Variants in UNC5B observed in about 807,000 individuals in gnomAD.
UNC5B encodes the protein netrin receptor UNC5B.
In UNC5B, 56 loss-of-function variants were observed where a neutral mutation model predicts 103.7. That is an observed-to-expected ratio of 0.54 (90% confidence interval 0.44 to 0.67). UNC5B has a LOEUF of 0.67. UNC5B is among the 30% of genes least tolerant of loss of function. The pLI is 0.00. For missense variants in UNC5B, 1,194 were observed against 1,284.5 expected, an observed-to-expected ratio of 0.93 and a Z score of 1.08; for synonymous variants, 577 against 542.0, an observed-to-expected ratio of 1.06 and a Z score of -0.90.
intron 13 of UNC5B, 29 bp downstream of exon 13, chr10:71,293,962 C>T (rs1329401702): frequency 6.5e-7 from 1 of 1,541,176 alleles, no homozygotes. Flanking sequence ...GCCCACACAG[C>T]CCTGGCCGGC....
intron 1 of UNC5B, among the ~76,000 whole-genome samples, chr10:71,256,025 A>G (rs1844282938): frequency 6.6e-6 from 1 of 152,184 alleles, no homozygotes; most frequent in African/African-American, 2.4e-5. Context: ...GCATGTTCTC[A>G]GTGATCCTTC....
intron 1 of UNC5B, among the ~76,000 whole-genome samples, chr10:71,255,024 A>G (rs1213581148): frequency 6.6e-6 from 1 of 152,184 alleles, no homozygotes; most frequent in East Asian, 1.9e-4. Context: ...GGTTTGTTTT[A>G]TGATGTCATC....
intron 1 of UNC5B, among the ~76,000 whole-genome samples, chr10:71,252,801 G>C (rs148103109): frequency 0.013 from 1,981 of 152,294 alleles, 48 homozygotes; most frequent in African/African-American, 0.044. Context: ...GTCCATTCCA[G>C]AGAGCGGGCA....
chr10:71,245,945 C>T (rs1413089276), intron 1 of UNC5B, among the ~76,000 whole-genome samples: 1 of 152,202 alleles, frequency 6.6e-6, no homozygotes. Context: ...ACCGCCAGCA[C>T]CCTCCTCATT....
intron 3 of UNC5B, 139 bp downstream of exon 3, chr10:71,285,002 A>G (rs1589193506): frequency 3.9e-6 from 5 of 1,281,892 alleles, no homozygotes; most frequent in Non-Finnish European, 4.2e-6. Flanking sequence ...ATCCCAGCAC[A>G]TGGATGCCAG....
At chr10:71,297,032 G>A (rs41306556) in intron 15 of UNC5B, among the ~76,000 whole-genome samples, 1 of 132,464 alleles carries the variant, frequency 7.5e-6, no homozygotes, top group Non-Finnish European at 1.6e-5. Flanking sequence ...GCACAGCACT[G>A]TGGCATAGGT....
chr10:71,243,163 A>C (rs1208455182), intron 1 of UNC5B, among the ~76,000 whole-genome samples: 1 of 152,118 alleles, frequency 6.6e-6, no homozygotes, highest in East Asian at 1.9e-4. Flanking sequence ...TGAACCCAGG[A>C]GGCGGAGGTT....
In UNC5B at chr10:71,279,957, C is replaced by T; in HGVS notation, c.216C>T (p.Phe72=). The T allele has an allele frequency of 6.2e-7, 1 of 1,614,168 alleles. No homozygotes were observed. The highest frequency in any genetic ancestry group is 1.1e-5 in the South Asian group (1 of 91,092). The change falls in exon 2 of 17, where the codon TTC becomes TTT. Residue 72 remains phenylalanine (F), a synonymous_variant. Transcript: ENST00000335350. ...NKPVELRCRA[F]PATQIYFKCN... Reference sequence around the variant, plus strand: ...CTGTGGAGCTCCGCTGCCGCGCCTTCCCCGCCACACAGATCTACTTCAAGT... The same window carrying T: ...CTGTGGAGCTCCGCTGCCGCGCCTTTCCCGCCACACAGATCTACTTCAAGT...
intron 3 of UNC5B, 138 bp downstream of exon 3, chr10:71,285,001 C>A: frequency 7.8e-7 from 1 of 1,282,800 alleles, no homozygotes; most frequent in Non-Finnish European, 1.1e-6. Flanking sequence ...CATCCCAGCA[C>A]ATGGATGCCA....
At chr10:71,243,569 G>A (rs1419559828) in intron 1 of UNC5B, among the ~76,000 whole-genome samples, 1 of 152,228 alleles carries the variant, frequency 6.6e-6, no homozygotes, top group East Asian at 1.9e-4. Flanking sequence ...CTGGGAAGAT[G>A]CCATCCATCA....
intron 1 of UNC5B, among the ~76,000 whole-genome samples, chr10:71,220,729 A>C (rs144075856): frequency 1.6e-4 from 24 of 152,258 alleles, no homozygotes; most frequent in African/African-American, 5.8e-4. Context: ...CACAGTGATC[A>C]CTCAGGGCCT....
rs150114972 is a variant in UNC5B, at chr10:71,236,137, G to A, written c.79+23073G>A. On this transcript the variant is annotated intron_variant, in intron 1 of 16. Coordinates refer to ENST00000335350, the MANE Select transcript of UNC5B (RefSeq NM_170744.5). ...TTTCCAAACTTTGTCAAACTCCTCA[G>A]GGTTGTTGTAAGATTCAATGAGATA... Among the ~76,000 whole-genome samples, 38 of 152,330 alleles carry A rather than the reference G, an allele frequency of 2.5e-4. No homozygotes were observed. The East Asian group carries it at 5.8e-3, about 23-fold the overall frequency.
At chr10:71,264,414 G>T (rs1844479570) in intron 1 of UNC5B, among the ~76,000 whole-genome samples, 1 of 152,202 alleles carries the variant, frequency 6.6e-6, no homozygotes, top group Non-Finnish European at 1.5e-5. Context: ...AGAAGGAAAT[G>T]GAGGCCCAGA....
intron 6 of UNC5B, 128 bp downstream of exon 6, chr10:71,287,893 G>A (rs1439971865): frequency 2.3e-6 from 3 of 1,301,196 alleles, no homozygotes; most frequent in Non-Finnish European, 3.1e-6. Context: ...CGAGCCCACA[G>A]CCGGCTGCCC....
intron 1 of UNC5B, among the ~76,000 whole-genome samples, chr10:71,261,788 C>G (rs921603845): frequency 1.3e-5 from 2 of 152,174 alleles, no homozygotes; most frequent in African/African-American, 4.8e-5. Flanking sequence ...ATTTTAAGCA[C>G]TGAACCTTGG....
chr10:71,263,163 G>A (rs1349135551), intron 1 of UNC5B, among the ~76,000 whole-genome samples: 2 of 152,212 alleles, frequency 1.3e-5, no homozygotes, highest in Non-Finnish European at 1.5e-5. Context: ...ACACCGGGGT[G>A]GAGGCAGTGG....
At chr10:71,254,008 A>G (rs1182589257) in intron 1 of UNC5B, among the ~76,000 whole-genome samples, 5 of 152,132 alleles carry the variant, frequency 3.3e-5, no homozygotes, top group Non-Finnish European at 2.9e-5. Context: ...CCAGCAGTCC[A>G]GTTTCCCAAC....
chr10:71,290,859 G>T lies in UNC5B; in HGVS notation c.1100-56G>T. Reference sequence around the variant, plus strand: ...CTTTCCAGGGACCCAGGGCCTCCCTGATTGCCCCAGGGCCTGGTCTCTGCT... The same window carrying T: ...CTTTCCAGGGACCCAGGGCCTCCCTTATTGCCCCAGGGCCTGGTCTCTGCT... On this transcript the variant is annotated intron_variant, in intron 8 of 16. Coordinates refer to ENST00000335350, the MANE Select transcript of UNC5B (RefSeq NM_170744.5). 4 of 1,539,584 alleles carry T rather than the reference G, an allele frequency of 2.6e-6. No individual in the cohort carries two copies. In the South Asian group the frequency reaches 3.7e-5, roughly 14 times the overall value.
Position 71,244,053 on chromosome 10 carries a change from G to T in UNC5B, c.79+30989G>T, listed in dbSNP as rs77834186. Among the ~76,000 whole-genome samples, 400 of 152,356 alleles carry T rather than the reference G, an allele frequency of 2.6e-3. 2 individuals are homozygous for T. The highest frequency in any genetic ancestry group is 9.2e-3 in the African/African-American group (382 of 41,584). ...AGACTGTGCCCTTTGTACAAGCCCA[G>T]GTCTCTCCATTTATTTAGCCATCAC... is the stretch of plus-strand genomic sequence containing the variant. On this transcript the variant is annotated intron_variant, in intron 1 of 16. Coordinates refer to ENST00000335350, the MANE Select transcript of UNC5B (RefSeq NM_170744.5).
Sources: gnomAD v4.1 joint callset for allele counts (sites outside exome capture counted in the v4.1 genomes callset) on GRCh38, gnomAD v4.1.1 for gene constraint, MANE v1.5 for transcripts, NCBI Gene and HGNC (gene_info 2026-07-23, HGNC 2026-07-21) for gene names.